THBS4: variants seen among roughly 807,000 people sequenced by gnomAD.
THBS4 encodes thrombospondin 4, also known as thrombospondin-4.
Under a neutral mutation model 115.7 loss-of-function variants are expected in THBS4, and 90 were observed. That is an observed-to-expected ratio of 0.78 (90% CI 0.66 to 0.93). THBS4 has a LOEUF of 0.93. Among genes scored for constraint, THBS4 ranks in the 40% least tolerant of loss-of-function variants. The pLI is 0.00. For missense variants in THBS4, 1,087 were observed against 1,232.7 expected (o/e 0.88, Z 1.77); for synonymous variants, 460 against 479.3 (o/e 0.96, Z 0.53).
At chr5:80,053,634 T>C (rs1046497575) in intron 2 of THBS4, among the ~76,000 whole-genome samples, 2 of 152,206 alleles carry the variant, frequency 1.3e-5, no homozygotes, top group African/African-American at 4.8e-5. Flanking sequence ...GCAGCTGCAA[T>C]GATGTGTTTA....
intron 2 of THBS4, among the ~76,000 whole-genome samples, chr5:80,026,217 G>C (rs1045996933): frequency 3.9e-5 from 6 of 152,154 alleles, no homozygotes; most frequent in Admixed American, 3.3e-4. Context: ...CCACTGGAAA[G>C]AAACACTATA....
rs1251120587 is a variant in THBS4 at position 80,061,836 on chromosome 5, G to A, written c.1125+4G>A. On this transcript the variant is annotated splice_donor_region_variant and intron_variant, in intron 8 of 21. Coordinates refer to ENST00000350881, the MANE Select transcript of THBS4 (RefSeq NM_003248.6). ...TTTTGCCAAGTCAAACAAGCAGGTA[G>A]GCTGAAGTCATGGTTTCTATTCATT... 2 of 1,603,984 alleles carry A rather than the reference G, an allele frequency of 1.2e-6. No homozygotes were observed. Among genetic ancestry groups the A allele is most frequent in the African/African-American group, 2.7e-5 (2 of 74,326 alleles).
chr5:80,082,299 A>G, intron 20 of THBS4, 107 bp from the exon 21 acceptor site: 1 of 1,465,284 alleles, frequency 6.8e-7, no homozygotes, highest in South Asian at 1.3e-5. Context: ...AAAACAGAGC[A>G]AAGAAAGACG....
intron 2 of THBS4, among the ~76,000 whole-genome samples, chr5:80,017,717 C>G (rs1013987650): frequency 2.6e-5 from 4 of 152,142 alleles, no homozygotes; most frequent in African/African-American, 9.7e-5. Context: ...GAATTTCAGA[C>G]TTTCAATTTG....
chr5:80,037,345 G>A (rs753268623), intron 1 of THBS4, among the ~76,000 whole-genome samples: 1 of 152,162 alleles, frequency 6.6e-6, no homozygotes, highest in East Asian at 1.9e-4. Flanking sequence ...CAATTATCAG[G>A]CTTAACAGGA....
intron 20 of THBS4, among the ~76,000 whole-genome samples, chr5:80,080,526 T>TA (rs1482452517): frequency 6.7e-6 from 1 of 149,328 alleles, no homozygotes; most frequent in Non-Finnish European, 1.5e-5. Flanking sequence ...CTATGTCCCT[T>TA]ACAGTCTGTC....
In THBS4 at chr5:79,991,466, A is replaced by G. The variant is rs183200696; in HGVS notation, n.81+54A>G. 3 of 466,712 alleles carry G rather than the reference A, an allele frequency of 6.4e-6. No homozygotes were observed. In the Admixed American group the frequency reaches 1.2e-4, roughly 18 times the overall value. 28.9% of individuals were successfully genotyped at this position (466,712 alleles called of 1,614,324 possible). ...CACCAGTAATTCTTCAAATATTAAT[A>G]TTTATTAGATCCCTAGAGTGTTCCA... On this transcript the variant is annotated intron_variant and non_coding_transcript_variant, in intron 1 of 3. Transcript: ENST00000510218.
intron 2 of THBS4, among the ~76,000 whole-genome samples, chr5:80,003,625 C>T (rs1177761674): frequency 6.6e-6 from 1 of 152,176 alleles, no homozygotes; most frequent in Non-Finnish European, 1.5e-5. Context: ...CCTGCAATTC[C>T]CTCAAGAAGA....
At position 80,014,781 on chromosome 5, in the gene THBS4, A is replaced by G. The variant is rs139187231; in HGVS notation, n.177+16354A>G. Among the ~76,000 whole-genome samples, 4 of 152,354 alleles carry G rather than the reference A, an allele frequency of 2.6e-5. No homozygotes were observed. In the East Asian group the frequency reaches 7.7e-4, roughly 29 times the overall value. On this transcript the variant is annotated intron_variant and non_coding_transcript_variant, in intron 2 of 3. Coordinates refer to the THBS4 transcript ENST00000510218. ...CTGGGGTCACCATAAGCATAAAACT[A>G]AGAGCTTCATTTACAGCCCTGTATT...
rs35373315 is a variant in THBS4 at position 80,018,389 on chromosome 5, C to CTTT, written n.177+19982_177+19984dup. 1.8e-3 allele frequency among the ~76,000 whole-genome samples: 175 copies of CTTT among 99,942 alleles called. 1 individual carries two copies. Among genetic ancestry groups the CTTT allele is most frequent in the African/African-American group, 5.0e-3 (117 of 23,246 alleles). The allele number at this position is 99,942 out of a possible 152,430, so 65.6% of individuals were successfully genotyped here. On this transcript the variant is annotated intron_variant and non_coding_transcript_variant, in intron 2 of 3. Transcript: ENST00000510218. ...TTACAGAAGTTCCAGTTCAAATATACTTTTTTTTTTTTTTTTTTTTTTGAG... is the reference window on the plus strand; with the variant it reads ...TTACAGAAGTTCCAGTTCAAATATACTTTTTTTTTTTTTTTTTTTTTTTTTGAG...
rs558072364 is a variant in THBS4 at position 80,044,677 on chromosome 5, G to A, written c.292+4397G>A. On this transcript the variant is annotated intron_variant, in intron 2 of 21. Transcript: ENST00000350881. ...TGGCCTCAAGTGATCCTCCTGTCTC[G>A]GCCTCCTAAATTGCTGGGCTTACAG... 5.2e-4 allele frequency among the ~76,000 whole-genome samples: 79 copies of A among 151,960 alleles called. No homozygotes were observed. The Middle Eastern group carries it at 0.01, about 20-fold the overall frequency.
At chr5:80,049,726 G>T (rs9293799) in intron 2 of THBS4, among the ~76,000 whole-genome samples, 45,073 of 152,056 alleles carry the variant, frequency 0.3, 6,897 homozygotes, top group Middle Eastern at 0.38. Context: ...GGGACTTAAG[G>T]TGGTGGGAAG....
intron 2 of THBS4, among the ~76,000 whole-genome samples, chr5:80,029,496 TC>T (rs1232288394): frequency 6.6e-6 from 1 of 152,218 alleles, no homozygotes; most frequent in Non-Finnish European, 1.5e-5. Context: ...TGGCTATTTT[TC>T]TAAGGATTTT....
At chr5:80,056,137 A>G in intron 3 of THBS4, 105 bp downstream of exon 3, 1 of 1,351,722 alleles carries the variant, frequency 7.4e-7, no homozygotes, top group Non-Finnish European at 9.9e-7. Flanking sequence ...CAGTGGGTCT[A>G]ATGCCGCTTG....
intron 2 of THBS4, among the ~76,000 whole-genome samples, chr5:80,043,837 GC>G (rs1832979545): frequency 6.6e-6 from 1 of 152,024 alleles, no homozygotes; most frequent in African/African-American, 2.4e-5. Context: ...ACCTCTAGTG[GC>G]CCCCTTTCCA....
upstream of THBS4, among the ~76,000 whole-genome samples, chr5:80,032,619 T>C (rs1832607135): frequency 6.6e-6 from 1 of 152,194 alleles, no homozygotes; most frequent in South Asian, 2.1e-4. Flanking sequence ...AAATCACTAA[T>C]GTAGGTCCAA....
At chr5:80,020,890 A>G (rs1832358519) in intron 2 of THBS4, among the ~76,000 whole-genome samples, 1 of 152,246 alleles carries the variant, frequency 6.6e-6, no homozygotes. Flanking sequence ...TGCATATGAC[A>G]TGTTGCTTTC....
chr5:80,024,358 G>A (rs1440280712), intron 2 of THBS4, among the ~76,000 whole-genome samples: 1 of 152,146 alleles, frequency 6.6e-6, no homozygotes, highest in Non-Finnish European at 1.5e-5. Flanking sequence ...TGCATCCTGG[G>A]AATCAGTTTC....
chr5:79,992,355 G>A (rs1160599329), intron 1 of THBS4, among the ~76,000 whole-genome samples: 1 of 152,066 alleles, frequency 6.6e-6, no homozygotes, highest in East Asian at 1.9e-4. Flanking sequence ...CACTGAGATG[G>A]TCGGATCTTC....
Sources: gnomAD v4.1 joint callset for allele counts (sites outside exome capture counted in the v4.1 genomes callset) on GRCh38, gnomAD v4.1.1 for gene constraint, MANE v1.5 for transcripts, NCBI Gene and HGNC (gene_info 2026-07-23, HGNC 2026-07-21) for gene names.